CSMD1: variants seen among roughly 807,000 people sequenced by gnomAD.
CSMD1 encodes the protein CUB and Sushi multiple domains 1, also known as CUB and sushi domain-containing protein 1.
In CSMD1, 213 loss-of-function variants were observed where a neutral mutation model predicts 417.5. The ratio of observed to expected loss-of-function variants is 0.51; its 90% CI spans 0.46 to 0.57. The LOEUF (loss-of-function observed/expected upper bound fraction) is 0.57. CSMD1 is among the 20% of genes least tolerant of loss of function. CSMD1 has a pLI of 0.00. For synonymous variants in CSMD1, 2,862 were observed against 1,736.8 expected (o/e 1.65, Z -16.11); for missense variants, 6,923 against 4,529.7 (o/e 1.53, Z -15.17).
At chr8:3,546,847 G>C (rs1473298712) in intron 10 of CSMD1, among the ~76,000 whole-genome samples, 1 of 152,164 alleles carries the variant, frequency 6.6e-6, no homozygotes, top group East Asian at 1.9e-4. Flanking sequence ...TGAAATGAAA[G>C]GGAAGGTGAA....
In CSMD1 at chr8:3,308,395, C is replaced by T. The variant is rs1386863893; in HGVS notation, c.3740G>A (p.Gly1247Glu). 6.2e-7 allele frequency: 1 copy of T among 1,613,660 alleles called. No individual in the cohort carries two copies. The highest frequency in any genetic ancestry group is 8.5e-7 in the Non-Finnish European group (1 of 1,179,816). ...GGTGTTGCTGCCATGCATGGCGTAC[C>T]CCGGGTTGCAACTGTACAGAACTAC... ...DTVVLYSCNP[G>E]YAMHGSNTLT... Residue 1247 changes from glycine (G) to glutamate (E), a missense_variant, in exon 24 of 70, where the codon GGG (glycine) becomes GAG (glutamate). Transcript: ENST00000635120.
chr8:3,783,845 G>A (rs1038273949), intron 5 of CSMD1, among the ~76,000 whole-genome samples: 2 of 152,166 alleles, frequency 1.3e-5, no homozygotes, highest in African/African-American at 4.8e-5. Flanking sequence ...TAATATTGAT[G>A]GATGACTGTT....
chr8:3,311,617 G>A (rs977785172), intron 23 of CSMD1, among the ~76,000 whole-genome samples: 4 of 152,158 alleles, frequency 2.6e-5, no homozygotes, highest in African/African-American at 9.7e-5. Context: ...TACTGTACAG[G>A]AAATGAAAAA....
At chr8:4,805,406 G>C (rs978273145) in intron 1 of CSMD1, among the ~76,000 whole-genome samples, 4 of 152,024 alleles carry the variant, frequency 2.6e-5, no homozygotes, top group Non-Finnish European at 5.9e-5. Flanking sequence ...TTATTTCTTG[G>C]TCTTCATGTG....
chr8:4,090,787 G>A (rs899375497), intron 3 of CSMD1, among the ~76,000 whole-genome samples: 1 of 152,106 alleles, frequency 6.6e-6, no homozygotes, highest in Non-Finnish European at 1.5e-5. Flanking sequence ...ATAATTCACT[G>A]GTGCGTGGTT....
At chr8:3,927,497 T>G (rs1053249473) in intron 5 of CSMD1, among the ~76,000 whole-genome samples, 10 of 151,896 alleles carry the variant, frequency 6.6e-5, no homozygotes, top group African/African-American at 2.4e-4. Flanking sequence ...AGACCCCATC[T>G]CTACTAAAAA....
chr8:3,853,893 ACT>A (rs1491581549), intron 5 of CSMD1, among the ~76,000 whole-genome samples: 1 of 146,136 alleles, frequency 6.8e-6, no homozygotes, highest in African/African-American at 2.5e-5. Flanking sequence ...AATATATTAT[ACT>A]TTAATATATT....
chr8:4,791,109 G>C (rs936290108), intron 1 of CSMD1, among the ~76,000 whole-genome samples: 1 of 152,108 alleles, frequency 6.6e-6, no homozygotes, highest in Non-Finnish European at 1.5e-5. Flanking sequence ...AAGAGACGGG[G>C]AGAAGAGACG....
At chr8:4,147,609 T>C (rs1020278180) in intron 3 of CSMD1, among the ~76,000 whole-genome samples, 3 of 152,196 alleles carry the variant, frequency 2.0e-5, no homozygotes, top group Admixed American at 6.5e-5. Flanking sequence ...GGTTCCCTAA[T>C]GCAGCTGGAC....
chr8:3,761,462 A>C (rs1228792345), intron 5 of CSMD1, among the ~76,000 whole-genome samples: 1 of 151,904 alleles, frequency 6.6e-6, no homozygotes, highest in African/African-American at 2.4e-5. Context: ...TGTACCACAG[A>C]AGAGTTTTCA....
intron 37 of CSMD1, among the ~76,000 whole-genome samples, chr8:3,171,773 C>G (rs1478024260): frequency 2.0e-5 from 3 of 152,190 alleles, no homozygotes; most frequent in African/African-American, 7.2e-5. Flanking sequence ...ACTTCTATAT[C>G]TAGCTCTCTA....
At chr8:3,308,983 C>G (rs979641819) in intron 23 of CSMD1, among the ~76,000 whole-genome samples, 1 of 152,118 alleles carries the variant, frequency 6.6e-6, no homozygotes, top group Non-Finnish European at 1.5e-5. Flanking sequence ...CTCAGCCTCC[C>G]AAAGTGCTGG....
chr8:4,930,885 T>C (rs1229103598), intron 1 of CSMD1, among the ~76,000 whole-genome samples: 1 of 152,222 alleles, frequency 6.6e-6, no homozygotes, highest in African/African-American at 2.4e-5. Flanking sequence ...AATTACTGTA[T>C]GTCTAGTTTT....
intron 50 of CSMD1, among the ~76,000 whole-genome samples, chr8:3,035,447 G>C (rs1256934093): frequency 1.3e-5 from 2 of 152,082 alleles, no homozygotes; most frequent in African/African-American, 4.8e-5. Context: ...TTCCATCTGT[G>C]GGTCTCACAT....
chr8:4,163,044 C>A (rs1330595533), intron 3 of CSMD1, among the ~76,000 whole-genome samples: 1 of 152,162 alleles, frequency 6.6e-6, no homozygotes, highest in Non-Finnish European at 1.5e-5. Context: ...TCAGTTCACT[C>A]TATGTCTTTG....
chr8:3,788,496 C>A (rs757749441), intron 5 of CSMD1, among the ~76,000 whole-genome samples: 2 of 152,136 alleles, frequency 1.3e-5, no homozygotes, highest in Non-Finnish European at 2.9e-5. Context: ...TACTTAAGAA[C>A]TTCAGGATCA....
At chr8:4,472,545 A>C (rs1046483545) in intron 2 of CSMD1, among the ~76,000 whole-genome samples, 4 of 152,156 alleles carry the variant, frequency 2.6e-5, no homozygotes, top group Non-Finnish European at 5.9e-5. Context: ...ATTTAGAATT[A>C]TATTCCAAAG....
intron 6 of CSMD1, among the ~76,000 whole-genome samples, chr8:3,711,132 G>A (rs928685689): frequency 9.2e-5 from 14 of 152,130 alleles, no homozygotes; most frequent in African/African-American, 2.9e-4. Context: ...ACTTCTCCTG[G>A]GTATTTTAAA....
chr8:4,339,706 A>C (rs1050865479), intron 3 of CSMD1, among the ~76,000 whole-genome samples: 5 of 152,084 alleles, frequency 3.3e-5, no homozygotes, highest in African/African-American at 1.2e-4. Flanking sequence ...AGTGAGTGAG[A>C]AGAAAATGAA....
Sources: gnomAD v4.1 joint callset for allele counts (sites outside exome capture counted in the v4.1 genomes callset) on GRCh38, gnomAD v4.1.1 for gene constraint, MANE v1.5 for transcripts, NCBI Gene and HGNC (gene_info 2026-07-23, HGNC 2026-07-21) for gene names.